Variants in BNC1 observed in about 807,000 individuals in gnomAD.
BNC1 encodes basonuclin zinc finger protein 1.
Under a neutral mutation model 66.5 loss-of-function variants are expected in BNC1, and 8 were observed. The ratio of observed to expected loss-of-function variants is 0.12; its 90% CI spans 0.07 to 0.22. The LOEUF is 0.22. Ranked by LOEUF, BNC1 falls within the 10% of genes least tolerant of loss-of-function variation. The pLI is 1.00. For synonymous variants in BNC1, 454 were observed against 452.6 expected (o/e 1.00, Z -0.04); for missense variants, 1,069 against 1,241.3 (o/e 0.86, Z 2.09).
chr15:83,280,936 A>T (rs1284436180), intron 1 of BNC1, among the ~76,000 whole-genome samples: 2 of 152,206 alleles, frequency 1.3e-5, no homozygotes, highest in Non-Finnish European at 2.9e-5. Context: ...GTTTCACATT[A>T]GTTGAATGAA....
rs2038193538 is a variant in BNC1, at chr15:83,264,501, G to T, written c.750C>A (p.Asn250Lys). ...ACCCTATCAGTGCAGGAGGCAGAGG[G>T]TTGAAGAACTGGAAAGGCAGCATGA... is the stretch of plus-strand genomic sequence containing the variant. ...MTFMLPFQFF[N>K]PLPPALIGSL... The change falls in exon 4 of 5, where the codon AAC (asparagine) becomes AAA (lysine). Residue 250 changes from asparagine to lysine, a missense_variant. By Grantham distance (94) the Asn-to-Lys change is moderately conservative. Transcript: ENST00000345382. 6.2e-7 allele frequency: 1 copy of T among 1,614,038 alleles called. No individual in the cohort carries two copies. The highest frequency in any genetic ancestry group is 1.3e-5 in the African/African-American group (1 of 74,910).
At position 83,267,020 on chromosome 15, in the gene BNC1, A is replaced by G. The variant is rs1317303367; in HGVS notation, c.251T>C (p.Ile84Thr). Reference sequence around the variant, plus strand: ...ATCAAACACTACATTGGACTGGACAATCTCCACCTGGCTTGTTGGATACAT... The same window carrying G: ...ATCAAACACTACATTGGACTGGACAGTCTCCACCTGGCTTGTTGGATACAT... ...PPMYPTSQVE[I>T]VQSNVVFDIS... is the part of the protein sequence containing the mutation. The change falls in exon 3 of 5, where the codon ATT becomes ACT. Residue 84 changes from isoleucine to threonine, a missense_variant. By Grantham distance (89) the Ile-to-Thr change is moderately conservative. Around this residue, in one of 7 missense-constraint regions of BNC1, gnomAD observed 30 missense variants for 20.2 expected, o/e 1.49. Coordinates refer to ENST00000345382, the MANE Select transcript of BNC1 (RefSeq NM_001717.4). The G allele has an allele frequency of 3.7e-6, 6 of 1,614,030 alleles. No individual in the cohort carries two copies. The East Asian group carries it at 1.3e-4, about 36-fold the overall frequency.
At chr15:83,276,515 C>A (rs1374290011) in intron 1 of BNC1, among the ~76,000 whole-genome samples, 2 of 152,158 alleles carry the variant, frequency 1.3e-5, no homozygotes, top group Non-Finnish European at 2.9e-5. Flanking sequence ...CCCCAATATG[C>A]CTTAGTAAAA....
chr15:83,283,397 CCTT>C (rs2038404238), intron 1 of BNC1: 4 of 1,302,388 alleles, frequency 3.1e-6, no homozygotes, highest in South Asian at 2.2e-5. Flanking sequence ...GCGGCCTCCT[CCTT>C]CTCCGCCCGC....
Position 83,284,663 on chromosome 15 carries a change from G to A in BNC1, c.-35C>T. ...GGCCGTCGGGGCGCGACCCGGCGAA[G>A]TGGGCGGCTCCCCAAGCGCCCAGGC... On this transcript the variant is annotated 5_prime_UTR_variant, in exon 1 of 5. Coordinates refer to ENST00000345382, the MANE Select transcript of BNC1 (RefSeq NM_001717.4). 1 of 952,454 alleles carries A rather than the reference G, an allele frequency of 1.0e-6. No homozygotes were observed. The highest frequency in any genetic ancestry group is 1.2e-6 in the Non-Finnish European group (1 of 801,008). The allele number at this position is 952,454 out of a possible 1,614,324, so 59.0% of individuals were successfully genotyped here. A position where few individuals can be genotyped will look rare whatever the true frequency, so the allele number is the denominator to read the frequency against.
At chr15:83,278,513 G>A (rs1040814174) in intron 1 of BNC1, among the ~76,000 whole-genome samples, 4 of 152,138 alleles carry the variant, frequency 2.6e-5, no homozygotes, top group African/African-American at 9.7e-5. Context: ...AAACTCATTG[G>A]CCACTTTTAG....
In BNC1 at chr15:83,264,057, G is replaced by T. The variant is rs1440084450; in HGVS notation, c.1194C>A (p.Ser398=). 16 of 1,614,058 alleles carry T rather than the reference G, an allele frequency of 9.9e-6. No homozygotes were observed. Among genetic ancestry groups the T allele is most frequent in the African/African-American group, 2.7e-5 (2 of 74,920 alleles). Reference sequence around the variant, plus strand: ...CGCTATGGCGATTCCGGCTCCTTAGGGAGCTGAACACCATGTTACACCCTT... The same window carrying T: ...CGCTATGGCGATTCCGGCTCCTTAGTGAGCTGAACACCATGTTACACCCTT... ...TIEGCNMVFS[S]LRSRNRHSAN... Residue 398 remains serine (S), a synonymous_variant, in exon 4 of 5, where the codon TCC becomes TCA. Transcript: ENST00000345382.
chr15:83,277,209 T>A (rs1439071857), intron 1 of BNC1, among the ~76,000 whole-genome samples: 1 of 152,078 alleles, frequency 6.6e-6, no homozygotes, highest in Non-Finnish European at 1.5e-5. Flanking sequence ...CTCCCAAATC[T>A]CACATAGGCG....
rs925189298 is a variant in BNC1, at chr15:83,268,287, T to C, written c.100-55A>G. ...AGCATGTAAGTGATGTGTGAAACAT[T>C]CATTGTATTTCAAACAAAACATATT... On this transcript the variant is annotated intron_variant, in intron 1 of 4. Coordinates refer to ENST00000345382, the MANE Select transcript of BNC1 (RefSeq NM_001717.4). 3 of 1,442,850 alleles carry C rather than the reference T, an allele frequency of 2.1e-6. No homozygotes were observed. In the African/African-American group the frequency reaches 4.2e-5, roughly 20 times the overall value. The allele number at this position is 1,442,850 out of a possible 1,614,324, so 89.4% of individuals were successfully genotyped here. A position where few individuals can be genotyped will look rare whatever the true frequency, so the allele number is the denominator to read the frequency against.
At position 83,257,310 on chromosome 15, in the gene BNC1, A is replaced by G. The variant is rs1233369484; in HGVS notation, c.*132T>C. The G allele has an allele frequency of 9.2e-7, 1 of 1,087,178 alleles. No homozygotes were observed. The highest frequency in any genetic ancestry group is 1.3e-6 in the Non-Finnish European group (1 of 755,318). 67.3% of individuals were successfully genotyped at this position (1,087,178 alleles called of 1,614,324 possible). On this transcript the variant is annotated 3_prime_UTR_variant, in exon 5 of 5. Coordinates refer to ENST00000345382, the MANE Select transcript of BNC1 (RefSeq NM_001717.4). ...TGTCTTTTGCTCATTGTGCTGTGGA[A>G]AACTATAAAGTCAAATCAAATACTT...
chr15:83,282,563 C>T (rs763788099), intron 1 of BNC1, among the ~76,000 whole-genome samples: 4 of 152,014 alleles, frequency 2.6e-5, no homozygotes, highest in African/African-American at 7.3e-5. Flanking sequence ...TATGTATCAA[C>T]GAATCTGGGA....
Position 83,274,122 on chromosome 15 carries a change from C to T in BNC1, c.100-5890G>A, listed in dbSNP as rs530504632. Reference sequence around the variant, plus strand: ...TAAAATGGCCAGGTGCGGTGGCTCACGCCTGTAATCCCAGCACTTTGGGAG... The same window carrying T: ...TAAAATGGCCAGGTGCGGTGGCTCATGCCTGTAATCCCAGCACTTTGGGAG... On this transcript the variant is annotated intron_variant, in intron 1 of 4. Transcript: ENST00000345382. Among the ~76,000 whole-genome samples the T allele has an allele frequency of 2.2e-3, 337 of 152,236 alleles. 1 individual carries two copies. The highest frequency in any genetic ancestry group is 4.2e-3 in the Non-Finnish European group (285 of 68,016).
chr15:83,277,408 C>G (rs55756182), intron 1 of BNC1, among the ~76,000 whole-genome samples: 1 of 151,898 alleles, frequency 6.6e-6, no homozygotes, highest in African/African-American at 2.4e-5. Context: ...CTCCCGGGTT[C>G]AAGTGATTCT....
chr15:83,270,710 A>G (rs917584679), intron 1 of BNC1, among the ~76,000 whole-genome samples: 7 of 151,920 alleles, frequency 4.6e-5, no homozygotes, highest in African/African-American at 1.7e-4. Context: ...GTTATACAAG[A>G]CCCCCATATA....
chr15:83,274,617 A>G (rs141131351), intron 1 of BNC1, among the ~76,000 whole-genome samples: 3 of 152,232 alleles, frequency 2.0e-5, no homozygotes, highest in African/African-American at 4.8e-5. Context: ...TCTATTTTAA[A>G]CCTCACTACA....
intron 4 of BNC1, among the ~76,000 whole-genome samples, chr15:83,259,267 C>T (rs1567190350): frequency 6.6e-6 from 1 of 152,154 alleles, no homozygotes; most frequent in Non-Finnish European, 1.5e-5. Context: ...AAGGGGGTTA[C>T]AATCTTAAAG....
At chr15:83,281,384 C>T (rs879758657) in intron 1 of BNC1, among the ~76,000 whole-genome samples, 20 of 152,072 alleles carry the variant, frequency 1.3e-4, no homozygotes, top group Non-Finnish European at 2.4e-4. Flanking sequence ...CTTGGAATTA[C>T]GTAATTAAAA....
rs1404028126 is a variant in BNC1 at position 83,257,315 on chromosome 15, A to G, written c.*127T>C. 2.7e-6 allele frequency: 3 copies of G among 1,131,770 alleles called. No homozygotes were observed. The highest frequency in any genetic ancestry group is 2.4e-5 in the East Asian group (1 of 41,982). 70.1% of individuals were successfully genotyped at this position (1,131,770 alleles called of 1,614,324 possible). Reference sequence around the variant, plus strand: ...TTTGCTCATTGTGCTGTGGAAAACTATAAAGTCAAATCAAATACTTTTGCC... The same window carrying G: ...TTTGCTCATTGTGCTGTGGAAAACTGTAAAGTCAAATCAAATACTTTTGCC... On this transcript the variant is annotated 3_prime_UTR_variant, in exon 5 of 5. Transcript: ENST00000345382.
intron 4 of BNC1, among the ~76,000 whole-genome samples, chr15:83,259,134 A>G (rs1038462995): frequency 1.3e-5 from 2 of 152,232 alleles, no homozygotes; most frequent in Non-Finnish European, 2.9e-5. Context: ...AAGGACAGAT[A>G]ATGAGTATCC....
Sources: gnomAD v4.1 joint callset for allele counts (sites outside exome capture counted in the v4.1 genomes callset) on GRCh38, gnomAD v4.1.1 for gene constraint, gnomAD v4.1.1 regional missense constraint, MANE v1.5 for transcripts, NCBI Gene and HGNC (gene_info 2026-07-23, HGNC 2026-07-21) for gene names.